The following CLIC2 variants were observed in gnomAD, a reference collection of about 807,000 sequenced individuals.
CLIC2 encodes chloride intracellular channel protein 2.
In CLIC2, 9 loss-of-function variants were observed where a neutral mutation model predicts 14.8. The observed-to-expected ratio is 0.61, with a 90% CI of 0.37 to 1.06. The LOEUF is 1.06. Ranked by LOEUF, CLIC2 falls within the 50% of genes least tolerant of loss-of-function variation. CLIC2 has a pLI of 0.01. For missense variants in CLIC2, 148 were observed against 181.4 expected, an observed-to-expected ratio of 0.82 and a Z score of 1.06; for synonymous variants, 61 against 66.3, an observed-to-expected ratio of 0.92 and a Z score of 0.39.
chrX:155,314,337 C>T (rs908411480), intron 1 of CLIC2, among the ~76,000 whole-genome samples: 2 of 112,413 alleles, frequency 1.8e-5, no homozygotes, highest in African/African-American at 6.5e-5. Flanking sequence ...CACTTCACTC[C>T]CCTGCTATCT....
intron 3 of CLIC2, chrX:155,291,172 T>A: frequency 1.0e-6 from 1 of 988,261 alleles, no homozygotes; most frequent in Non-Finnish European, 1.4e-6. Flanking sequence ...CTGAATAATA[T>A]ATAGCACAGT....
intron 3 of CLIC2, among the ~76,000 whole-genome samples, chrX:155,296,254 T>C (rs1214743710): frequency 1.8e-5 from 2 of 111,501 alleles, no homozygotes; most frequent in Non-Finnish European, 3.8e-5. Flanking sequence ...CACAAGAACA[T>C]TGGGGAAAGG....
chrX:155,334,508 C>T lies in CLIC2; in HGVS notation c.-81G>A. 1.2e-6 allele frequency: 1 copy of T among 845,085 alleles called. No individual in the cohort carries two copies. The highest frequency in any genetic ancestry group is 1.8e-6 in the Non-Finnish European group (1 of 562,831). 69.6% of individuals were successfully genotyped at this position (845,085 alleles called of 1,213,427 possible). On this transcript the variant is annotated 5_prime_UTR_variant, in exon 1 of 6. Transcript: ENST00000369449. ...TGTAGACTCTTTTCTCAATTTTATC[C>T]AAAGACTCAAGTAATGTTGGTGCTT...
intron 5 of CLIC2, 140 bp from the exon 6 acceptor site, chrX:155,278,204 C>A (rs782758537): frequency 2.0e-6 from 1 of 506,213 alleles, no homozygotes; most frequent in Non-Finnish European, 3.3e-6. Context: ...GAAGTAGACA[C>A]GAATCTTGGA....
rs1602936845 is a variant in CLIC2 at position 155,293,486 on chromosome X, T to C, written c.293+5299A>G. On this transcript the variant is annotated intron_variant, in intron 3 of 5. Transcript: ENST00000369449. ...ACTACACAAAACCACCAAACTGTAA[T>C]GATAAATGACAAGAGAGAGAGAAAA... 7 of 514,426 alleles carry C rather than the reference T, an allele frequency of 1.4e-5. No homozygotes were observed. In the East Asian group the frequency reaches 2.4e-4, roughly 17 times the overall value. 42.4% of individuals were successfully genotyped at this position (514,426 alleles called of 1,213,427 possible).
At chrX:155,290,581 C>T in intron 3 of CLIC2, 1 of 635,678 alleles carries the variant, frequency 1.6e-6, no homozygotes, top group Non-Finnish European at 2.7e-6. Flanking sequence ...AGCATCCGTT[C>T]TCTTATACTG....
intron 1 of CLIC2, among the ~76,000 whole-genome samples, chrX:155,305,009 G>A (rs782060334): frequency 1.8e-5 from 2 of 110,550 alleles, no homozygotes; most frequent in African/African-American, 3.3e-5. Flanking sequence ...CATTTAAGTC[G>A]GCAGAGGTTA....
chrX:155,291,867 T>TA (rs1320582447), intron 3 of CLIC2, among the ~76,000 whole-genome samples: 2 of 111,715 alleles, frequency 1.8e-5, no homozygotes, highest in African/African-American at 6.5e-5. Flanking sequence ...AACAGATATT[T>TA]AAAAAAATGG....
intron 1 of CLIC2, among the ~76,000 whole-genome samples, chrX:155,301,323 T>A (rs2075017091): frequency 9.1e-6 from 1 of 109,814 alleles, no homozygotes; most frequent in South Asian, 4.0e-4. Flanking sequence ...CCTAGGTATT[T>A]CATTCTCTTT....
chrX:155,325,774 ATATAT>A (rs1286947806), intron 1 of CLIC2, among the ~76,000 whole-genome samples: 7 of 62,211 alleles, frequency 1.1e-4, no homozygotes, highest in Admixed American at 8.2e-4. Context: ...ATATATATAT[ATATAT>A]ATATATATAT....
intron 1 of CLIC2, among the ~76,000 whole-genome samples, chrX:155,305,283 G>GT (rs1214449845): frequency 2.5e-4 from 28 of 112,275 alleles, no homozygotes; most frequent in African/African-American, 8.1e-4. Context: ...GTGGTGCGCC[G>GT]TTTTTTAAGC....
chrX:155,316,843 A>G (rs782115990), intron 1 of CLIC2, among the ~76,000 whole-genome samples: 6 of 110,738 alleles, frequency 5.4e-5, no homozygotes, highest in Non-Finnish European at 1.1e-4. Flanking sequence ...TGGGAGGCTA[A>G]GTCAGTCTCA....
chrX:155,282,650 C>T (rs1330416531), intron 3 of CLIC2, among the ~76,000 whole-genome samples: 5 of 111,193 alleles, frequency 4.5e-5, no homozygotes, highest in African/African-American at 1.6e-4. Flanking sequence ...TCCAGGCTTG[C>T]ACCCCTCCAA....
At chrX:155,279,372 C>A in intron 4 of CLIC2, 42 bp from the exon 5 acceptor site, 1 of 1,002,990 alleles carries the variant, frequency 1.0e-6, no homozygotes, top group Non-Finnish European at 1.4e-6. Flanking sequence ...AATGTATTGT[C>A]TTTTGACTAA....
At chrX:155,285,189 A>C (rs2074937218) in intron 3 of CLIC2, among the ~76,000 whole-genome samples, 1 of 112,646 alleles carries the variant, frequency 8.9e-6, no homozygotes. Flanking sequence ...CCTTGTAAAA[A>C]GACAATTCCT....
intron 4 of CLIC2, 132 bp downstream of exon 4, chrX:155,279,825 CAGAGG>C: frequency 2.1e-6 from 1 of 472,484 alleles, no homozygotes; most frequent in Non-Finnish European, 3.7e-6. Context: ...GAGGGAATTT[CAGAGG>C]AGAGTATAGA....
At chrX:155,291,585 C>A (rs1401510962) in intron 3 of CLIC2, among the ~76,000 whole-genome samples, 1 of 111,968 alleles carries the variant, frequency 8.9e-6, no homozygotes, top group Non-Finnish European at 1.9e-5. Flanking sequence ...GCATCCTTGT[C>A]TTGTGCCTCT....
At chrX:155,285,225 C>T (rs1557316969) in intron 3 of CLIC2, among the ~76,000 whole-genome samples, 3 of 112,393 alleles carry the variant, frequency 2.7e-5, no homozygotes, top group African/African-American at 9.7e-5. Flanking sequence ...AACAATAAAA[C>T]GTAGAAACAA....
chrX:155,284,313 G>A (rs782624623), intron 3 of CLIC2, among the ~76,000 whole-genome samples: 111 of 104,801 alleles, frequency 1.1e-3, no homozygotes, highest in Admixed American at 3.2e-3. Context: ...AGGCTAGAGT[G>A]CAATGGCGCA....
Sources: gnomAD v4.1 joint callset for allele counts (sites outside exome capture counted in the v4.1 genomes callset) on GRCh38, gnomAD v4.1.1 for gene constraint, MANE v1.5 for transcripts, NCBI Gene and HGNC (gene_info 2026-07-23, HGNC 2026-07-21) for gene names.